DCK: variants seen among roughly 807,000 people sequenced by gnomAD.
DCK encodes the protein deoxyadenosine kinase.
DCK carries 23 observed loss-of-function variants against 38.3 expected under a neutral mutation model. The ratio of observed to expected loss-of-function variants is 0.60; its 90% CI spans 0.43 to 0.85. The LOEUF (loss-of-function observed/expected upper bound fraction) is 0.85, where lower values mean the gene tolerates loss of function less well. Among genes scored for constraint, DCK ranks in the 40% least tolerant of loss-of-function variants. DCK has a pLI of 0.00. For missense variants in DCK, 259 were observed against 304.4 expected (o/e 0.85, Z 1.11); for synonymous variants, 108 against 100.6 (o/e 1.07, Z -0.44).
At chr4:71,010,403 GTTA>G (rs2148915134) in intron 2 of DCK, among the ~76,000 whole-genome samples, 1 of 151,108 alleles carries the variant, frequency 6.6e-6, no homozygotes, top group South Asian at 2.1e-4. Flanking sequence ...GGTGATTTAT[GTTA>G]TTATTTAGGC....
chr4:70,994,509 C>G (rs756226668), intron 1 of DCK, among the ~76,000 whole-genome samples: 3 of 152,168 alleles, frequency 2.0e-5, no homozygotes, highest in Non-Finnish European at 4.4e-5. Context: ...TGGCGTCTTT[C>G]ATTTAGCATA....
intron 2 of DCK, among the ~76,000 whole-genome samples, chr4:71,014,020 C>T (rs944946048): frequency 6.6e-6 from 1 of 152,062 alleles, no homozygotes; most frequent in Non-Finnish European, 1.5e-5. Context: ...ATTCAGGAGA[C>T]CCATCTCATG....
At chr4:70,994,101 C>T (rs1414458118) in intron 1 of DCK, 175 bp downstream of exon 1, 1 of 626,666 alleles carries the variant, frequency 1.6e-6, no homozygotes, top group East Asian at 2.9e-5. Flanking sequence ...TTACCTCCCG[C>T]TCCACGGGGT....
chr4:71,012,154 C>A (rs1740114981), intron 2 of DCK, among the ~76,000 whole-genome samples: 1 of 152,050 alleles, frequency 6.6e-6, no homozygotes, highest in African/African-American at 2.4e-5. Context: ...TTCTTCCCCA[C>A]CCCCCACAAT....
At chr4:71,012,130 G>A (rs1282233195) in intron 2 of DCK, among the ~76,000 whole-genome samples, 1 of 152,158 alleles carries the variant, frequency 6.6e-6, no homozygotes, top group Admixed American at 6.5e-5. Context: ...ACAGTATACA[G>A]TTTTGTATTT....
chr4:71,015,794 G>A (rs902213683), intron 2 of DCK, among the ~76,000 whole-genome samples: 29 of 152,180 alleles, frequency 1.9e-4, no homozygotes, highest in Middle Eastern at 3.4e-3. Flanking sequence ...AAAATAATAG[G>A]AGCTATTTAT....
chr4:71,019,297 T>C (rs1740348550), intron 2 of DCK, among the ~76,000 whole-genome samples: 3 of 152,222 alleles, frequency 2.0e-5, no homozygotes, highest in African/African-American at 7.2e-5. Flanking sequence ...TATTTTAATA[T>C]AGTAAACTTT....
chr4:71,017,505 A>G (rs560746260), intron 2 of DCK, among the ~76,000 whole-genome samples: 3 of 152,216 alleles, frequency 2.0e-5, no homozygotes, highest in South Asian at 4.2e-4. Flanking sequence ...CACTGTTCAC[A>G]ATAGCAAAGA....
chr4:71,013,227 T>A (rs1740149659), intron 2 of DCK, among the ~76,000 whole-genome samples: 1 of 152,042 alleles, frequency 6.6e-6, no homozygotes, highest in East Asian at 1.9e-4. Flanking sequence ...TAAAAAGAAA[T>A]GAACAAAACC....
At chr4:71,006,133 C>CA (rs67497388) in intron 2 of DCK, among the ~76,000 whole-genome samples, 4,780 of 104,122 alleles carry the variant, frequency 0.046, 347 homozygotes, top group African/African-American at 0.16. Flanking sequence ...ACAAAAACAC[C>CA]AAAAAAAAAA....
At chr4:71,006,692 C>T (rs931610820) in intron 2 of DCK, among the ~76,000 whole-genome samples, 1 of 152,020 alleles carries the variant, frequency 6.6e-6, no homozygotes, top group Non-Finnish European at 1.5e-5. Flanking sequence ...CTTGGGGTTA[C>T]AGCTACTTGG....
At chr4:71,013,962 G>A (rs535808328) in intron 2 of DCK, among the ~76,000 whole-genome samples, 1 of 152,256 alleles carries the variant, frequency 6.6e-6, no homozygotes, top group East Asian at 1.9e-4. Context: ...GACACAGACT[G>A]GAAAATTGGA....
In DCK at chr4:71,029,563, T is replaced by A; in HGVS notation, c.*185T>A. 1 of 562,506 alleles carries A rather than the reference T, an allele frequency of 1.8e-6. No homozygotes were observed. The highest frequency in any genetic ancestry group is 3.2e-6 in the Non-Finnish European group (1 of 315,756). 34.8% of individuals were successfully genotyped at this position (562,506 alleles called of 1,614,324 possible). A position where few individuals can be genotyped will look rare whatever the true frequency, so the allele number is the denominator to read the frequency against. On this transcript the variant is annotated 3_prime_UTR_variant, in exon 7 of 7. Transcript: ENST00000286648. Reference sequence around the variant, plus strand: ...TTTGACCAGTTTCTTTTCTTTTGTTTTTTTTTTAAAAAAGACATTTAAAGA... The same window carrying A: ...TTTGACCAGTTTCTTTTCTTTTGTTATTTTTTTAAAAAAGACATTTAAAGA...
chr4:71,005,745 G>A (rs1425206710), intron 2 of DCK, among the ~76,000 whole-genome samples: 8 of 151,758 alleles, frequency 5.3e-5, no homozygotes, highest in East Asian at 2.0e-4. Context: ...CAGGTGATCC[G>A]CCTGCCTCAG....
At chr4:71,007,796 G>A (rs1336546810) in intron 2 of DCK, among the ~76,000 whole-genome samples, 19 of 152,224 alleles carry the variant, frequency 1.2e-4, no homozygotes, top group Admixed American at 1.2e-3. Flanking sequence ...GTTCACTGCA[G>A]CCTCAACCTC....
chr4:71,016,200 A>C (rs1740256629), intron 2 of DCK, among the ~76,000 whole-genome samples: 1 of 152,240 alleles, frequency 6.6e-6, no homozygotes, highest in African/African-American at 2.4e-5. Context: ...CAAAGAGAAT[A>C]AAATACCTAG....
intron 4 of DCK, among the ~76,000 whole-genome samples, chr4:71,025,094 A>C (rs891382470): frequency 2.0e-5 from 3 of 152,074 alleles, no homozygotes; most frequent in African/African-American, 7.2e-5. Context: ...ATTTCTTGGA[A>C]TGCATGAAGA....
intron 2 of DCK, among the ~76,000 whole-genome samples, chr4:71,007,427 G>A (rs756543052): frequency 6.6e-6 from 1 of 152,066 alleles, no homozygotes; most frequent in Non-Finnish European, 1.5e-5. Context: ...ATCCCTGTTC[G>A]CCTTCTCCAA....
intron 2 of DCK, among the ~76,000 whole-genome samples, chr4:71,007,237 C>T (rs1739967664): frequency 6.6e-6 from 1 of 152,090 alleles, no homozygotes. Flanking sequence ...CAAGGTTAGT[C>T]TACAGTAGAA....
Sources: gnomAD v4.1 joint callset for allele counts (sites outside exome capture counted in the v4.1 genomes callset) on GRCh38, gnomAD v4.1.1 for gene constraint, MANE v1.5 for transcripts, NCBI Gene and HGNC (gene_info 2026-07-23, HGNC 2026-07-21) for gene names.